Variants in SLC16A3 observed in about 807,000 individuals in gnomAD.
The protein encoded by SLC16A3 is solute carrier family 16 member 3, also known as monocarboxylate transporter 4.
Under a neutral mutation model 25.0 loss-of-function variants are expected in SLC16A3, and 22 were observed. That is an observed-to-expected ratio of 0.88 (90% CI 0.63 to 1.26). SLC16A3 has a LOEUF of 1.26. SLC16A3 is among the 50% of genes most tolerant of loss of function. The pLI is 0.00. For synonymous variants in SLC16A3, 390 were observed against 309.2 expected (o/e 1.26, Z -2.74); for missense variants, 731 against 666.6 (o/e 1.10, Z -1.06).
At chr17:82,232,412 G>C (rs2050512540) in intron 1 of SLC16A3, 2 of 152,554 alleles carry the variant, frequency 1.3e-5, no homozygotes, top group Admixed American at 6.5e-5. Context: ...AGGGTGCCCA[G>C]TGCCCCCCAA....
At chr17:82,219,636 G>A (rs2050376853) in intron 1 of SLC16A3, among the ~76,000 whole-genome samples, 1 of 152,088 alleles carries the variant, frequency 6.6e-6, no homozygotes, top group South Asian at 2.1e-4. Context: ...GCCCCTGCCT[G>A]GACTGCTCCC....
chr17:82,224,693 C>T (rs528158397), upstream of SLC16A3, among the ~76,000 whole-genome samples: 2 of 149,442 alleles, frequency 1.3e-5, no homozygotes, highest in South Asian at 4.3e-4. Flanking sequence ...CCCCTACACC[C>T]GTGCACAGAC....
chr17:82,238,023 T>C (rs934052723), intron 4 of SLC16A3, 130 bp downstream of exon 4: 6 of 1,088,332 alleles, frequency 5.5e-6, no homozygotes, highest in Non-Finnish European at 7.8e-6. Context: ...GGGGGTGCAC[T>C]GTGCTGGACC....
In SLC16A3 at chr17:82,239,126, G is replaced by GTTC. The variant is rs1420530839; in HGVS notation, c.*150_*151insTTC. ...ATCGTCGCCCGATCAGTGTTTTGAG[G>GTTC]GGGAAGGTGGCGGGGTGGGAACCGT... On this transcript the variant is annotated 3_prime_UTR_variant, in exon 5 of 5. Coordinates refer to ENST00000582743, the MANE Select transcript of SLC16A3 (RefSeq NM_004207.4). The GTTC allele has an allele frequency of 1.3e-4, 96 of 733,762 alleles. 1 individual carries two copies. The East Asian group carries it at 2.5e-3, about 19-fold the overall frequency. 45.5% of individuals were successfully genotyped at this position (733,762 alleles called of 1,614,324 possible). A position where few individuals can be genotyped will look rare whatever the true frequency, so the allele number is the denominator to read the frequency against.
In SLC16A3 at chr17:82,237,746, ATCT is replaced by A. The variant is rs1448936760; in HGVS notation, c.981_983del (p.Phe328del). 6 of 1,612,020 alleles carry A rather than the reference ATCT, an allele frequency of 3.7e-6. No individual in the cohort carries two copies. The highest frequency in any genetic ancestry group is 5.1e-6 in the Non-Finnish European group (6 of 1,179,934). On this transcript the variant is annotated inframe_deletion, in exon 4 of 5. Transcript: ENST00000582743. Reference sequence around the variant, plus strand: ...CTACGGCGGCCTCGTGGTCTTCTGCATCTTCTTTGGCATCTCCTACGGCATGGT... The same window carrying A: ...CTACGGCGGCCTCGTGGTCTTCTGCATCTTTGGCATCTCCTACGGCATGGT...
At chr17:82,236,265 G>C in intron 2 of SLC16A3, 34 bp downstream of exon 2, 9 of 1,590,494 alleles carry the variant, frequency 5.7e-6, no homozygotes, top group Non-Finnish European at 7.8e-6. Context: ...CCCCTGTCCG[G>C]GGCTCTGCTG....
At chr17:82,219,229 G>A (rs956582015) in intron 1 of SLC16A3, among the ~76,000 whole-genome samples, 2 of 152,138 alleles carry the variant, frequency 1.3e-5, no homozygotes, top group Non-Finnish European at 2.9e-5. Context: ...CCGGGGCAGC[G>A]ATGGAGCCCT....
chr17:82,239,489 T>G lies in SLC16A3; in HGVS notation c.*513T>G. 5.9e-6 allele frequency: 1 copy of G among 169,028 alleles called. No individual in the cohort carries two copies. The highest frequency in any genetic ancestry group is 1.3e-5 in the Non-Finnish European group (1 of 79,770). The allele number at this position is 169,028 out of a possible 1,614,324, so 10.5% of individuals were successfully genotyped here. ...GGGTGGAGTGTTAGGACCAACGGTTTCCTAGGAGTATGTGGTTTTGCTGTG... is the reference window on the plus strand; with the variant it reads ...GGGTGGAGTGTTAGGACCAACGGTTGCCTAGGAGTATGTGGTTTTGCTGTG... On this transcript the variant is annotated 3_prime_UTR_variant, in exon 5 of 5. Coordinates refer to ENST00000582743, the MANE Select transcript of SLC16A3 (RefSeq NM_004207.4).
Position 82,239,974 on chromosome 17 carries a change from CCTCAG to C in SLC16A3, c.*999_*1003del. The C allele has an allele frequency of 8.1e-7, 1 of 1,233,392 alleles. No individual in the cohort carries two copies. Among genetic ancestry groups the C allele is most frequent in the Non-Finnish European group, 1.0e-6 (1 of 987,568 alleles). 76.4% of individuals were successfully genotyped at this position (1,233,392 alleles called of 1,614,324 possible). A position where few individuals can be genotyped will look rare whatever the true frequency, so the allele number is the denominator to read the frequency against. ...GAGCCCGGTCAGAGGCCGCCGGGGC[CCTCAG>C]TAGGTGCGTCGTGGGCGCTGGGGAC... is the stretch of plus-strand genomic sequence containing the variant. On this transcript the variant is annotated 3_prime_UTR_variant, in exon 5 of 5. Transcript: ENST00000582743.
chr17:82,236,556 C>A, intron 2 of SLC16A3, 173 bp from the exon 3 acceptor site: 1 of 895,424 alleles, frequency 1.1e-6, no homozygotes, highest in Non-Finnish European at 1.7e-6. Flanking sequence ...AGGCGGCGCT[C>A]ACGTGTCATC....
intron 1 of SLC16A3, chr17:82,231,874 G>A (rs989828374): frequency 5.3e-5 from 8 of 152,212 alleles, no homozygotes; most frequent in African/African-American, 1.9e-4. Flanking sequence ...GGGGGTCAGA[G>A]GTGGGGCGCA....
At chr17:82,222,728 G>A (rs954586817) in intron 1 of SLC16A3, among the ~76,000 whole-genome samples, 1 of 151,496 alleles carries the variant, frequency 6.6e-6, no homozygotes, top group East Asian at 1.9e-4. Context: ...ACTCGAACCA[G>A]GGAGGCGGAG....
intron 1 of SLC16A3, among the ~76,000 whole-genome samples, chr17:82,222,162 G>A (rs1474094528): frequency 1.5e-5 from 2 of 137,240 alleles, no homozygotes; most frequent in African/African-American, 2.9e-5. Flanking sequence ...GGAGAGGAGC[G>A]TCGCCCTGGG....
upstream of SLC16A3, among the ~76,000 whole-genome samples, chr17:82,227,265 G>C (rs552852244): frequency 1.3e-5 from 2 of 152,260 alleles, no homozygotes; most frequent in East Asian, 3.9e-4. Context: ...GGGGCAGTGA[G>C]GTCCCAGGCT....
intron 1 of SLC16A3, chr17:82,233,992 C>T (rs936416536): frequency 5.3e-5 from 8 of 152,212 alleles, no homozygotes; most frequent in African/African-American, 1.9e-4. Flanking sequence ...AGGCGCCTGC[C>T]ACTGCGCCCA....
At chr17:82,218,478 G>A (rs2050369773) in intron 1 of SLC16A3, among the ~76,000 whole-genome samples, 1 of 152,068 alleles carries the variant, frequency 6.6e-6, no homozygotes, top group African/African-American at 2.4e-5. Context: ...GACGGCCAAG[G>A]CGAGCCCAGG....
At chr17:82,220,820 A>ATTT (rs2050384737) in intron 1 of SLC16A3, among the ~76,000 whole-genome samples, 1 of 151,356 alleles carries the variant, frequency 6.6e-6, no homozygotes, top group Non-Finnish European at 1.5e-5. Flanking sequence ...TAATTAATTT[A>ATTT]ATTTATTTAT....
Position 82,238,961 on chromosome 17 carries a change from G to A in SLC16A3, c.1383G>A (p.Pro461=), listed in dbSNP as rs377133474. 1.5e-5 allele frequency: 23 copies of A among 1,537,458 alleles called. No individual in the cohort carries two copies. The highest frequency in any genetic ancestry group is 1.7e-4 in the Middle Eastern group (1 of 5,744). ...PEKNGEVVHT[P]ETSV ...AAAACGGGGAGGTGGTTCACACCCC[G>A]GAAACAAGTGTCTGAGTGGCTGGGC... The change falls in exon 5 of 5, where the codon CCG becomes CCA. Residue 461 remains proline, a synonymous_variant. Transcript: ENST00000582743.
intron 2 of SLC16A3, 104 bp from the exon 3 acceptor site, chr17:82,236,625 G>C (rs576367914): frequency 6.7e-6 from 10 of 1,488,416 alleles, no homozygotes; most frequent in East Asian, 2.3e-5. Context: ...CGGGGGGAGG[G>C]GTGGTGTGGG....
Sources: allele counts gnomAD v4.1 joint callset (sites outside exome capture counted in the v4.1 genomes callset), GRCh38; gene constraint gnomAD v4.1.1; transcripts MANE v1.5; gene names NCBI Gene and HGNC (gene_info 2026-07-23, HGNC 2026-07-21).